Variants in RCAN2 observed in about 807,000 individuals in gnomAD.
RCAN2 encodes the protein calcipressin-2.
A neutral mutation model predicts 23.6 loss-of-function variants in RCAN2; 9 were observed. The observed-to-expected ratio is 0.38, with a 90% confidence interval of 0.23 to 0.67. RCAN2 has a LOEUF of 0.67. Ranked by LOEUF, RCAN2 falls within the 30% of genes least tolerant of loss-of-function variation. RCAN2 has a pLI of 0.51. For synonymous variants in RCAN2, 109 were observed against 115.7 expected, an observed-to-expected ratio of 0.94 and a Z score of 0.37; for missense variants, 273 against 302.3, an observed-to-expected ratio of 0.90 and a Z score of 0.72.
chr6:46,283,127 G>T (rs1052225992), intron 2 of RCAN2, among the ~76,000 whole-genome samples: 11 of 152,132 alleles, frequency 7.2e-5, no homozygotes, highest in Admixed American at 6.6e-5. Flanking sequence ...GCACTGCAGG[G>T]CCCCTGGGTA....
intron 2 of RCAN2, among the ~76,000 whole-genome samples, chr6:46,314,890 G>A (rs1763384978): frequency 6.6e-6 from 1 of 152,090 alleles, no homozygotes; most frequent in South Asian, 2.1e-4. Context: ...GAAAAACCCT[G>A]TCGCTACAAA....
chr6:46,346,769 C>A (rs914525263), intron 2 of RCAN2, among the ~76,000 whole-genome samples: 2 of 151,816 alleles, frequency 1.3e-5, no homozygotes, highest in African/African-American at 4.8e-5. Flanking sequence ...TTCTTCTTTT[C>A]TTTTGTATTT....
chr6:46,325,364 C>T, intron 2 of RCAN2: 1 of 1,612,280 alleles, frequency 6.2e-7, no homozygotes. Context: ...GTAACAGCAA[C>T]AATGAAAAAT....
At position 46,426,604 on chromosome 6, in the gene RCAN2, C is replaced by T. The variant is rs187723840; in HGVS notation, c.225+30148G>A. On this transcript the variant is annotated intron_variant, in intron 2 of 4. Transcript: ENST00000371374. ...AATACATACAGGTAAATGAATGAGC[C>T]CTAAATCTTAGAATGAAAAACTAAA... Among the ~76,000 whole-genome samples, 324 of 152,054 alleles carry T rather than the reference C, an allele frequency of 2.1e-3. 2 individuals carry two copies. Among genetic ancestry groups the T allele is most frequent in the African/African-American group, 7.3e-3 (304 of 41,466 alleles).
At chr6:46,330,570 A>C (rs1013275212) in intron 2 of RCAN2, among the ~76,000 whole-genome samples, 1 of 152,190 alleles carries the variant, frequency 6.6e-6, no homozygotes, top group Non-Finnish European at 1.5e-5. Flanking sequence ...GCCAGGGTTC[A>C]AATTTCTCCA....
At chr6:46,375,766 A>G (rs766560249) in intron 2 of RCAN2, among the ~76,000 whole-genome samples, 16 of 152,256 alleles carry the variant, frequency 1.1e-4, no homozygotes, top group Non-Finnish European at 1.9e-4. Flanking sequence ...CAATATATAA[A>G]AGAATGAGTG....
At chr6:46,484,952 CA>C (rs1172918387) in intron 1 of RCAN2, among the ~76,000 whole-genome samples, 1 of 152,174 alleles carries the variant, frequency 6.6e-6, no homozygotes, top group Non-Finnish European at 1.5e-5. Flanking sequence ...ACAGAGGTGA[CA>C]TCTGTATTCT....
chr6:46,338,568 T>G (rs1422716795), intron 2 of RCAN2, among the ~76,000 whole-genome samples: 1 of 152,128 alleles, frequency 6.6e-6, no homozygotes, highest in African/African-American at 2.4e-5. Context: ...GCTGAGCAAC[T>G]CAAAAATAAC....
intron 2 of RCAN2, among the ~76,000 whole-genome samples, chr6:46,400,040 C>T (rs908216296): frequency 1.3e-5 from 2 of 152,150 alleles, no homozygotes; most frequent in African/African-American, 4.8e-5. Flanking sequence ...ACCAGAATCA[C>T]ATCTCCTGCA....
chr6:46,356,921 G>A (rs947135), intron 2 of RCAN2, among the ~76,000 whole-genome samples: 78,522 of 151,676 alleles, frequency 0.52, 20,605 homozygotes, highest in South Asian at 0.61. Flanking sequence ...TTCAACAGGT[G>A]GATCATTAAG....
intron 2 of RCAN2, among the ~76,000 whole-genome samples, chr6:46,456,513 C>G (rs1679574401): frequency 1.3e-5 from 2 of 152,150 alleles, no homozygotes; most frequent in South Asian, 4.1e-4. Flanking sequence ...CTAGATAGAC[C>G]TGTGAGTCAC....
Position 46,292,676 on chromosome 6 carries a change from C to A in RCAN2, c.226-43780G>T, listed in dbSNP as rs915848514. ...TCAAGTAAACTTTTAGATTTATTGA[C>A]CATCCATCCACTTATCCATTGATCC... is the stretch of plus-strand genomic sequence containing the variant. On this transcript the variant is annotated intron_variant, in intron 2 of 4. Coordinates refer to ENST00000371374, the MANE Select transcript of RCAN2 (RefSeq NM_001251974.2). 2.0e-5 allele frequency among the ~76,000 whole-genome samples: 3 copies of A among 151,798 alleles called. No individual in the cohort carries two copies. In the East Asian group the frequency reaches 5.8e-4, roughly 29 times the overall value.
chr6:46,401,613 G>T (rs1766250343), intron 2 of RCAN2, among the ~76,000 whole-genome samples: 1 of 152,194 alleles, frequency 6.6e-6, no homozygotes, highest in Non-Finnish European at 1.5e-5. Context: ...ACTCAGGTCT[G>T]TTTCCAAGTA....
intron 2 of RCAN2, among the ~76,000 whole-genome samples, chr6:46,310,445 T>C (rs1465087472): frequency 1.3e-5 from 2 of 152,114 alleles, no homozygotes; most frequent in Non-Finnish European, 2.9e-5. Context: ...AGACCTTCTA[T>C]TCTACAACAC....
intron 2 of RCAN2, among the ~76,000 whole-genome samples, chr6:46,380,254 T>G (rs754156483): frequency 6.6e-6 from 1 of 152,228 alleles, no homozygotes; most frequent in Non-Finnish European, 1.5e-5. Context: ...TGCAGCAAAC[T>G]GTAGGAACAG....
chr6:46,343,874 T>A (rs1764407223), intron 2 of RCAN2, among the ~76,000 whole-genome samples: 1 of 152,164 alleles, frequency 6.6e-6, no homozygotes, highest in South Asian at 2.1e-4. Flanking sequence ...GGTGAGCAGA[T>A]AATCAAAATG....
Position 46,314,359 on chromosome 6 carries a change from CAAAAA to C in RCAN2, c.226-65468_226-65464del, listed in dbSNP as rs537111154. 1.7e-3 allele frequency among the ~76,000 whole-genome samples: 158 copies of C among 92,196 alleles called. 2 individuals are homozygous for C. Among genetic ancestry groups the C allele is most frequent in the African/African-American group, 5.8e-3 (149 of 25,712 alleles). 60.5% of individuals were successfully genotyped at this position (92,196 alleles called of 152,430 possible). ...CCTGGGCAACAGAGTGAGACTCTGTCAAAAAAAAAAAAAAAAAAAAGAAAAGAAAA... is the reference window on the plus strand; with the variant it reads ...CCTGGGCAACAGAGTGAGACTCTGTCAAAAAAAAAAAAAAAGAAAAGAAAA... On this transcript the variant is annotated intron_variant, in intron 2 of 4. Coordinates refer to ENST00000371374, the MANE Select transcript of RCAN2 (RefSeq NM_001251974.2).
At chr6:46,386,089 G>C (rs1352665841) in intron 2 of RCAN2, among the ~76,000 whole-genome samples, 1 of 151,998 alleles carries the variant, frequency 6.6e-6, no homozygotes, top group Non-Finnish European at 1.5e-5. Context: ...AGGCAACCTA[G>C]AGAACGGGAG....
intron 2 of RCAN2, among the ~76,000 whole-genome samples, chr6:46,286,923 T>C (rs1262451192): frequency 2.0e-5 from 3 of 152,014 alleles, no homozygotes; most frequent in Non-Finnish European, 4.4e-5. Flanking sequence ...GAGAATTGCT[T>C]GAACCTGGGA....
Sources: gnomAD v4.1 joint callset for allele counts (sites outside exome capture counted in the v4.1 genomes callset) on GRCh38, gnomAD v4.1.1 for gene constraint, MANE v1.5 for transcripts, NCBI Gene and HGNC (gene_info 2026-07-23, HGNC 2026-07-21) for gene names.